Variants in SRRM1 observed in about 807,000 individuals in gnomAD.
SRRM1 encodes serine and arginine repetitive matrix 1.
In SRRM1, 19 loss-of-function variants were observed where a neutral mutation model predicts 110.2. The observed-to-expected ratio is 0.17, with a 90% CI of 0.12 to 0.25. SRRM1 has a LOEUF of 0.25. Ranked by LOEUF, SRRM1 falls within the 10% of genes least tolerant of loss-of-function variation. The pLI is 1.00. For missense variants in SRRM1, 918 were observed against 1,145.8 expected (o/e 0.80, Z 2.87); for synonymous variants, 443 against 414.9 (o/e 1.07, Z -0.82).
chr1:24,651,664 G>A (rs1557668880), intron 6 of SRRM1, 52 bp downstream of exon 6: 1 of 1,331,308 alleles, frequency 7.5e-7, no homozygotes, highest in African/African-American at 1.5e-5. Flanking sequence ...GATTAATAGT[G>A]ACTGCAAATA....
In SRRM1 at chr1:24,651,602, A is replaced by G. The variant is rs1183876878; in HGVS notation, c.715A>G (p.Thr239Ala). 1 of 1,608,304 alleles carries G rather than the reference A, an allele frequency of 6.2e-7. No individual in the cohort carries two copies. Among genetic ancestry groups the G allele is most frequent in the South Asian group, 1.1e-5 (1 of 89,958 alleles). ...AAAAGAACCTTCAGTACAAGAGGCT[A>G]CTTCTACTAGGCAAGTATATAAAAA... is the stretch of plus-strand genomic sequence containing the variant. ...KVKEPSVQEA[T>A]STSDILKVPK... The change falls in exon 6 of 17, where the codon ACT becomes GCT. Residue 239 changes from threonine (T) to alanine (A), a missense_variant. Thr to Ala is a moderately conservative substitution (Grantham distance 58, BLOSUM62 0). Transcript: ENST00000323848.
At chr1:24,656,333 T>TA (rs1446600246) in intron 9 of SRRM1, among the ~76,000 whole-genome samples, 4 of 152,228 alleles carry the variant, frequency 2.6e-5, no homozygotes, top group East Asian at 1.9e-4. Context: ...TGATAGTCTG[T>TA]AAAAAGTAAT....
chr1:24,650,432 A>G (rs79241243), intron 5 of SRRM1: 5,340 of 158,642 alleles, frequency 0.034, 137 homozygotes, highest in Middle Eastern at 0.1. Flanking sequence ...CCTTTCTTCT[A>G]AAAAGAAATC....
intron 8 of SRRM1, among the ~76,000 whole-genome samples, 172 bp from the exon 9 acceptor site, chr1:24,654,683 C>G (rs1662977587): frequency 6.6e-6 from 1 of 152,144 alleles, no homozygotes; most frequent in African/African-American, 2.4e-5. Flanking sequence ...CTAGCTGTTT[C>G]CTGGCCTAGG....
chr1:24,654,873 A>T lies in SRRM1; in HGVS notation c.1059A>T (p.Ala353=), dbSNP rs765890664. The T allele has an allele frequency of 1.2e-5, 20 of 1,614,240 alleles. No individual in the cohort carries two copies. The highest frequency in any genetic ancestry group is 1.7e-5 in the Admixed American group (1 of 60,028). Residue 353 remains alanine (A), a synonymous_variant, in exon 9 of 17, where the codon GCA becomes GCT. Transcript: ENST00000323848. ...SPVRRRRRSS[A]SLSGSSSSSS... The stretch of plus-strand genomic sequence containing the variant: ...TCCACAGAAGAAGACGTTCGTCAGC[A>T]TCCTTGTCTGGGAGTAGCTCATCAT...
chr1:24,660,910 A>G (rs1666897492), intron 10 of SRRM1, 111 bp downstream of exon 10: 2 of 698,902 alleles, frequency 2.9e-6, no homozygotes, highest in Non-Finnish European at 2.4e-6. Flanking sequence ...AAGATTAAGT[A>G]TAGGGTAAGA....
Position 24,654,966 on chromosome 1 carries a change from A to G in SRRM1, c.1152A>G (p.Lys384=), listed in dbSNP as rs1663162231. ...AGAGGACATCCAGCCCCCCTCGGAAAACTCGTAGGTTATCTCCTTCAGCAA... is the reference window on the plus strand; with the variant it reads ...AGAGGACATCCAGCCCCCCTCGGAAGACTCGTAGGTTATCTCCTTCAGCAA... The part of the protein sequence containing the change: ...PPKRTSSPPR[K]TRRLSPSASP... The change falls in exon 9 of 17, where the codon AAA becomes AAG. Residue 384 remains lysine (K), a synonymous_variant. Coordinates refer to ENST00000323848, the MANE Select transcript of SRRM1 (RefSeq NM_005839.4). 1 of 1,614,056 alleles carries G rather than the reference A, an allele frequency of 6.2e-7. No homozygotes were observed. Among genetic ancestry groups the G allele is most frequent in the Admixed American group, 1.7e-5 (1 of 60,000 alleles).
intron 8 of SRRM1, chr1:24,654,230 A>G (rs934304356): frequency 2.4e-5 from 28 of 1,165,064 alleles, no homozygotes; most frequent in African/African-American, 7.9e-5. Context: ...TTAGCAGTCA[A>G]TATTTTACAG....
intron 8 of SRRM1, among the ~76,000 whole-genome samples, chr1:24,654,606 T>A (rs566543629): frequency 9.8e-5 from 15 of 152,332 alleles, no homozygotes; most frequent in South Asian, 2.1e-4. Flanking sequence ...CTGACAAGTT[T>A]TATAACTGGA....
chr1:24,651,675 T>A, intron 6 of SRRM1, 63 bp downstream of exon 6: 1 of 1,227,702 alleles, frequency 8.1e-7, no homozygotes, highest in Non-Finnish European at 1.2e-6. Context: ...ACTGCAAATA[T>A]GACATCTGAG....
At chr1:24,652,885 C>T in intron 7 of SRRM1, 28 bp from the exon 8 acceptor site, 2 of 1,604,106 alleles carry the variant, frequency 1.2e-6, no homozygotes, top group South Asian at 1.1e-5. Context: ...CTGGTTTATT[C>T]AGGACCTAAT....
rs913495662 is a variant in SRRM1 at position 24,651,453 on chromosome 1, T to G, written c.566T>G (p.Val189Gly). The G allele has an allele frequency of 6.2e-6, 10 of 1,614,026 alleles. No homozygotes were observed. Among genetic ancestry groups the G allele is most frequent in the Non-Finnish European group, 7.6e-6 (9 of 1,180,020 alleles). ...TCCCCTAGAAGACGATCTTCCCCTG[T>G]CAGGAGAGAGAGAAAGCGCAGTCAT... The part of the protein sequence containing the change: ...SPSPRRRSSP[V>G]RRERKRSHSR... Residue 189 changes from valine (V) to glycine (G), a missense_variant, in exon 6 of 17, where the codon GTC (valine) becomes GGC (glycine). Transcript: ENST00000323848.
At position 24,654,972 on chromosome 1, in the gene SRRM1, T is replaced by C; in HGVS notation, c.1158T>C (p.Arg386=). 2 of 1,614,134 alleles carry C rather than the reference T, an allele frequency of 1.2e-6. No individual in the cohort carries two copies. The highest frequency in any genetic ancestry group is 1.1e-5 in the South Asian group (1 of 91,080). Reference sequence around the variant, plus strand: ...CATCCAGCCCCCCTCGGAAAACTCGTAGGTTATCTCCTTCAGCAAGTCCTC... The same window carrying C: ...CATCCAGCCCCCCTCGGAAAACTCGCAGGTTATCTCCTTCAGCAAGTCCTC... The part of the protein sequence containing the change: ...KRTSSPPRKT[R]RLSPSASPPR... The change falls in exon 9 of 17, where the codon CGT becomes CGC. Residue 386 remains arginine (R), a synonymous_variant. Transcript: ENST00000323848.
chr1:24,651,668 G>T, intron 6 of SRRM1, 56 bp downstream of exon 6: 1 of 1,267,050 alleles, frequency 7.9e-7, no homozygotes, highest in Non-Finnish European at 1.1e-6. Context: ...AATAGTGACT[G>T]CAAATATGAC....
intron 8 of SRRM1, among the ~76,000 whole-genome samples, 159 bp from the exon 9 acceptor site, chr1:24,654,696 A>G (rs1354872765): frequency 6.6e-6 from 1 of 152,174 alleles, no homozygotes; most frequent in Non-Finnish European, 1.5e-5. Flanking sequence ...GGCCTAGGTT[A>G]TGGTTTTTTC....
chr1:24,660,824 AT>A (rs757917683), intron 10 of SRRM1, 25 bp downstream of exon 10: 1 of 1,515,814 alleles, frequency 6.6e-7, no homozygotes, highest in Admixed American at 2.1e-5. Flanking sequence ...TTTTTTTGTG[AT>A]TTTGGTTTGT....
intron 11 of SRRM1, 24 bp from the exon 12 acceptor site, chr1:24,662,636 A>G (rs376332025): frequency 2.6e-4 from 412 of 1,607,914 alleles, no homozygotes; most frequent in Non-Finnish European, 3.4e-4. Context: ...CTAATGTAAT[A>G]TTTTTTTAAT....
At chr1:24,647,492 A>G (rs1340776740) in intron 3 of SRRM1, 1 of 152,452 alleles carries the variant, frequency 6.6e-6, no homozygotes. Context: ...TCCTTTATAC[A>G]TGAGATAATA....
chr1:24,652,463 C>T lies in SRRM1; in HGVS notation c.755C>T (p.Pro252Leu). 1 of 1,603,254 alleles carries T rather than the reference C, an allele frequency of 6.2e-7. No individual in the cohort carries two copies. The highest frequency in any genetic ancestry group is 8.5e-7 in the Non-Finnish European group (1 of 1,176,002). The part of the protein sequence containing the change: ...SDILKVPKPE[P>L]IPEPKEPSPE... ...ATTCTGAAAGTTCCCAAACCTGAAC[C>T]TATACCAGAGCCTAAAGAACCTTCT... Residue 252 changes from proline to leucine, a missense_variant, in exon 7 of 17, where the codon CCT (proline) becomes CTT (leucine). By Grantham distance (98) the Pro-to-Leu change is moderately conservative. Coordinates refer to ENST00000323848, the MANE Select transcript of SRRM1 (RefSeq NM_005839.4).
Sources: gnomAD v4.1 joint callset for allele counts (sites outside exome capture counted in the v4.1 genomes callset) on GRCh38, gnomAD v4.1.1 for gene constraint, MANE v1.5 for transcripts, NCBI Gene and HGNC (gene_info 2026-07-23, HGNC 2026-07-21) for gene names.